The following KIF16B variants were observed in gnomAD, a reference collection of about 807,000 sequenced individuals.
KIF16B encodes kinesin family member 16B.
KIF16B carries 98 observed loss-of-function variants against 156.3 expected under a neutral mutation model. That is an observed-to-expected ratio of 0.63 (90% confidence interval 0.53 to 0.74). KIF16B has a LOEUF of 0.74. KIF16B is among the 30% of genes least tolerant of loss of function. The pLI is 0.00. For missense variants in KIF16B, 1,421 were observed against 1,606.5 expected (o/e 0.88, Z 1.97); for synonymous variants, 564 against 583.7 (o/e 0.97, Z 0.49).
intron 25 of KIF16B, among the ~76,000 whole-genome samples, chr20:16,293,789 A>G (rs933719193): frequency 2.0e-5 from 3 of 152,158 alleles, no homozygotes; most frequent in African/African-American, 7.2e-5. Context: ...CAATTGAGCA[A>G]TAATGTGAAG....
Position 16,427,142 on chromosome 20 carries a change from T to C in KIF16B, c.1574A>G (p.Asn525Ser). ...IPLSGSQCSVNGVQIVEATHL... is the reference protein window; with the variant it reads ...IPLSGSQCSVSGVQIVEATHL... ...TGTGGCCTCCACGATCTGAACACCATTCACAGAGCACTGGGACCCACTCAG... is the reference window on the plus strand; with the variant it reads ...TGTGGCCTCCACGATCTGAACACCACTCACAGAGCACTGGGACCCACTCAG... Residue 525 changes from asparagine to serine, a missense_variant, in exon 15 of 26, where the codon AAT (asparagine) becomes AGT (serine). Physicochemically the swap from Asn to Ser is conservative, Grantham distance 46 (BLOSUM62 1). Transcript: ENST00000354981. 6.2e-7 allele frequency: 1 copy of C among 1,612,114 alleles called. No individual in the cohort carries two copies. Among genetic ancestry groups the C allele is most frequent in the Non-Finnish European group, 8.5e-7 (1 of 1,178,884 alleles).
At chr20:16,276,262 A>G (rs1379018538) in intron 25 of KIF16B, among the ~76,000 whole-genome samples, 1 of 152,248 alleles carries the variant, frequency 6.6e-6, no homozygotes, top group African/African-American at 2.4e-5. Context: ...CCTAAAGGGT[A>G]TAATAAGAAG....
intron 15 of KIF16B, among the ~76,000 whole-genome samples, chr20:16,422,413 C>A (rs1357799720): frequency 2.6e-5 from 4 of 152,086 alleles, no homozygotes; most frequent in African/African-American, 9.7e-5. Flanking sequence ...TTACCTATAA[C>A]ACGGCAGGAA....
chr20:16,383,537 T>G (rs185337975), intron 17 of KIF16B, among the ~76,000 whole-genome samples: 430 of 152,332 alleles, frequency 2.8e-3, no homozygotes, highest in African/African-American at 9.7e-3. Flanking sequence ...TGAAAAGCAT[T>G]TGCCAGTCAT....
At chr20:16,557,459 CA>C in intron 1 of KIF16B, among the ~76,000 whole-genome samples, 1 of 152,210 alleles carries the variant, frequency 6.6e-6, no homozygotes, top group Non-Finnish European at 1.5e-5. Flanking sequence ...GGATTACAGG[CA>C]TGAGTCACTG....
At chr20:16,506,770 A>G (rs112004959) in intron 7 of KIF16B, among the ~76,000 whole-genome samples, 74 of 152,250 alleles carry the variant, frequency 4.9e-4, no homozygotes, top group African/African-American at 1.6e-3. Context: ...CCAGATTACT[A>G]TATTTTTATA....
At chr20:16,537,436 A>T (rs1165233319) in intron 1 of KIF16B, among the ~76,000 whole-genome samples, 2 of 151,758 alleles carry the variant, frequency 1.3e-5, no homozygotes, top group Non-Finnish European at 2.9e-5. Context: ...AAGAGCAAGG[A>T]CTCTGCCTGT....
At chr20:16,339,924 T>C (rs2064111136) in intron 23 of KIF16B, among the ~76,000 whole-genome samples, 1 of 152,208 alleles carries the variant, frequency 6.6e-6, no homozygotes, top group South Asian at 2.1e-4. Flanking sequence ...CCTTCATTTT[T>C]TTCTCAACAC....
chr20:16,332,596 A>T (rs2063966830), intron 24 of KIF16B, among the ~76,000 whole-genome samples: 1 of 152,162 alleles, frequency 6.6e-6, no homozygotes, highest in Non-Finnish European at 1.5e-5. Context: ...CACAACATGG[A>T]GAACCAATTT....
chr20:16,494,420 C>A lies in KIF16B; in HGVS notation c.1243-70G>T, dbSNP rs1199103959. ...TTATAATTTTCTTCTAGTTTCCGAA[C>A]TCTAATATCTCATGGAAAGATGTAC... On this transcript the variant is annotated intron_variant, in intron 11 of 25. Transcript: ENST00000354981. 5.3e-6 allele frequency: 5 copies of A among 939,656 alleles called. No homozygotes were observed. The East Asian group carries it at 1.3e-4, about 24-fold the overall frequency. 58.2% of individuals were successfully genotyped at this position (939,656 alleles called of 1,614,324 possible).
chr20:16,406,228 T>A, intron 16 of KIF16B, 146 bp downstream of exon 16: 1 of 655,216 alleles, frequency 1.5e-6, no homozygotes, highest in East Asian at 2.6e-5. Context: ...TGGGAAACAA[T>A]CTCCCTAGAA....
intron 17 of KIF16B, among the ~76,000 whole-genome samples, chr20:16,398,911 T>G (rs921376079): frequency 2.6e-5 from 4 of 152,046 alleles, no homozygotes; most frequent in African/African-American, 9.7e-5. Flanking sequence ...CCAGGAGGCG[T>G]GTTTGTGTTT....
intron 11 of KIF16B, among the ~76,000 whole-genome samples, chr20:16,497,396 T>C (rs1273806706): frequency 6.6e-6 from 1 of 152,212 alleles, no homozygotes; most frequent in Non-Finnish European, 1.5e-5. Context: ...CTAACCATCA[T>C]GTGCCAGACA....
chr20:16,381,687 G>A lies in KIF16B; in HGVS notation c.1838+7C>T. On this transcript the variant is annotated splice_region_variant and intron_variant, in intron 18 of 25. Transcript: ENST00000354981. ...GAGTGTTGAAACTTGAACCCCATGT[G>A]ACTTACCTTTTACTTTCTAATTTTT... 1.2e-6 allele frequency: 2 copies of A among 1,610,304 alleles called. No individual in the cohort carries two copies. The highest frequency in any genetic ancestry group is 2.2e-5 in the South Asian group (2 of 90,600).
rs2064793904 is a variant in KIF16B, at chr20:16,370,624, G to A, written c.3460C>T (p.Leu1154Phe). ...SADTMKDNEKLHNGTIQRKLK... is the reference protein window; with the variant it reads ...SADTMKDNEKFHNGTIQRKLK... Reference sequence around the variant, plus strand: ...TTACGTTGAATGGTGCCATTGTGAAGTTTCTCATTATCCTGAAAAGAAAAG... The same window carrying A: ...TTACGTTGAATGGTGCCATTGTGAAATTTCTCATTATCCTGAAAAGAAAAG... The change falls in exon 22 of 26, where the codon CTT (leucine) becomes TTT (phenylalanine). Residue 1154 changes from leucine to phenylalanine, a missense_variant. Physicochemically the swap from Leu to Phe is conservative, Grantham distance 22. Transcript: ENST00000354981. 6.3e-7 allele frequency: 1 copy of A among 1,581,632 alleles called. No homozygotes were observed. The highest frequency in any genetic ancestry group is 8.5e-7 in the Non-Finnish European group (1 of 1,170,212).
At chr20:16,481,536 G>T (rs950683416) in intron 12 of KIF16B, among the ~76,000 whole-genome samples, 1 of 152,174 alleles carries the variant, frequency 6.6e-6, no homozygotes, top group Non-Finnish European at 1.5e-5. Context: ...ATGTGGTTTT[G>T]GATGAGAAAT....
At chr20:16,548,328 T>C (rs2070492285) in intron 1 of KIF16B, among the ~76,000 whole-genome samples, 3 of 152,172 alleles carry the variant, frequency 2.0e-5, no homozygotes, top group Admixed American at 1.3e-4. Context: ...CACGTCACCA[T>C]TCAGCACTAC....
chr20:16,471,765 G>A (rs774499887), intron 12 of KIF16B, among the ~76,000 whole-genome samples: 12 of 152,166 alleles, frequency 7.9e-5, no homozygotes, highest in Admixed American at 2.6e-4. Flanking sequence ...ATTACTACAC[G>A]TACTGAATTC....
At chr20:16,411,881 C>A (rs2065964473) in intron 15 of KIF16B, among the ~76,000 whole-genome samples, 1 of 151,164 alleles carries the variant, frequency 6.6e-6, no homozygotes. Context: ...GTTATGCTGG[C>A]CCTCAAAAAC....
Sources: allele counts gnomAD v4.1 joint callset (sites outside exome capture counted in the v4.1 genomes callset), GRCh38; gene constraint gnomAD v4.1.1; transcripts MANE v1.5; gene names NCBI Gene and HGNC (gene_info 2026-07-23, HGNC 2026-07-21).